Variants in PDXDC1 observed in about 807,000 individuals in gnomAD.
PDXDC1 encodes the protein pyridoxal dependent decarboxylase domain containing 1, also known as pyridoxal-dependent decarboxylase domain-containing protein 1.
In PDXDC1, 42 loss-of-function variants were observed where a neutral mutation model predicts 100.1. The ratio of observed to expected loss-of-function variants is 0.42; its 90% CI spans 0.33 to 0.54. The LOEUF is 0.54. Among genes scored for constraint, PDXDC1 ranks in the 20% least tolerant of loss-of-function variants. The pLI is 0.10. For missense variants in PDXDC1, 636 were observed against 979.2 expected (o/e 0.65, Z 4.68); for synonymous variants, 260 against 371.7 (o/e 0.70, Z 3.46).
At chr16:14,977,225 A>G (rs951683443) in intron 1 of PDXDC1, among the ~76,000 whole-genome samples, 6 of 151,376 alleles carry the variant, frequency 4.0e-5, no homozygotes, top group African/African-American at 1.2e-4. Context: ...CCTTAGGTCA[A>G]TGTGAAAATT....
chr16:15,048,628 C>T (rs1387742095), intron 16 of PDXDC1, among the ~76,000 whole-genome samples: 1 of 152,044 alleles, frequency 6.6e-6, no homozygotes, highest in African/African-American at 2.4e-5. Context: ...CACATCCCCT[C>T]TTTTTTATTT....
chr16:15,144,059 G>A (rs2048515911), downstream of PDXDC1, among the ~76,000 whole-genome samples: 2 of 152,192 alleles, frequency 1.3e-5, no homozygotes, highest in African/African-American at 4.8e-5. Context: ...GCCAGACCCA[G>A]GGAGGCCCCA....
intron 16 of PDXDC1, among the ~76,000 whole-genome samples, chr16:15,091,033 G>A (rs1336634390): frequency 1.3e-5 from 2 of 152,254 alleles, no homozygotes; most frequent in East Asian, 3.9e-4. Flanking sequence ...CTTGGTTCTG[G>A]GAGGCTGTCC....
chr16:14,977,460 A>G (rs922746653), intron 1 of PDXDC1, among the ~76,000 whole-genome samples: 1 of 152,198 alleles, frequency 6.6e-6, no homozygotes, highest in Non-Finnish European at 1.5e-5. Context: ...TTGTATTCCC[A>G]GTAGAGATGG....
rs573715671 is a variant in PDXDC1 at position 14,975,672 on chromosome 16, C to A, written c.21+452C>A. 2.9e-4 allele frequency: 287 copies of A among 985,328 alleles called. 6 individuals carry two copies. In the South Asian group the frequency reaches 0.012, roughly 41 times the overall value. The allele number at this position is 985,328 out of a possible 1,614,324, so 61.0% of individuals were successfully genotyped here. Reference sequence around the variant, plus strand: ...GTCTCCGAGTTAGGAATGAAAATTGCCAAAGCAGTGGTTTTCCAACTTCAG... The same window carrying A: ...GTCTCCGAGTTAGGAATGAAAATTGACAAAGCAGTGGTTTTCCAACTTCAG... On this transcript the variant is annotated intron_variant, in intron 1 of 22. Coordinates refer to ENST00000396410, the MANE Select transcript of PDXDC1 (RefSeq NM_015027.4).
chr16:15,066,629 T>A (rs1597883829), intron 16 of PDXDC1, among the ~76,000 whole-genome samples: 1 of 141,088 alleles, frequency 7.1e-6, no homozygotes, highest in South Asian at 2.2e-4. Flanking sequence ...CAAGACCTTG[T>A]CTCAAATAAA....
chr16:15,130,313 C>T (rs1486925630), intron 16 of PDXDC1: 25 of 1,543,442 alleles, frequency 1.6e-5, no homozygotes, highest in Non-Finnish European at 1.9e-5. Flanking sequence ...CCAGGGGCAG[C>T]AGCCCCTCTG....
intron 16 of PDXDC1, chr16:15,060,295 C>A: frequency 3.9e-6 from 1 of 254,040 alleles, no homozygotes; most frequent in Non-Finnish European, 8.1e-6. Context: ...CCTTAAAGTT[C>A]TCAAATTACT....
At chr16:15,072,192 A>C (rs1485825213) in intron 16 of PDXDC1, among the ~76,000 whole-genome samples, 5 of 151,734 alleles carry the variant, frequency 3.3e-5, no homozygotes, top group African/African-American at 9.7e-5. Flanking sequence ...GATCTCTAGG[A>C]AGCCACAAAA....
chr16:15,094,389 G>A (rs1395621095), intron 16 of PDXDC1: 20 of 662,794 alleles, frequency 3.0e-5, no homozygotes, highest in Non-Finnish European at 4.5e-5. Flanking sequence ...CTAGAGCGCC[G>A]CTGAAACCCG....
At chr16:15,096,562 G>A (rs543496769) in intron 16 of PDXDC1, among the ~76,000 whole-genome samples, 3 of 152,192 alleles carry the variant, frequency 2.0e-5, no homozygotes, top group Non-Finnish European at 4.4e-5. Flanking sequence ...TAATTGCACC[G>A]TAGCTCACAA....
At chr16:15,122,843 G>T (rs1290916588) in intron 16 of PDXDC1, among the ~76,000 whole-genome samples, 1 of 103,102 alleles carries the variant, frequency 9.7e-6, no homozygotes, top group African/African-American at 3.6e-5. Flanking sequence ...AAGGGGAGGG[G>T]AAGGGGAGGG....
intron 16 of PDXDC1, among the ~76,000 whole-genome samples, chr16:15,058,939 T>C (rs917606336): frequency 5.9e-5 from 9 of 152,244 alleles, no homozygotes; most frequent in African/African-American, 2.2e-4. Context: ...GGCCCCAAAT[T>C]ATTAGATACA....
the PDXDC1 span, among the ~76,000 whole-genome samples, chr16:15,146,709 C>G: frequency 1.3e-5 from 2 of 152,164 alleles, no homozygotes; most frequent in African/African-American, 4.8e-5. Flanking sequence ...GGCTCTCACC[C>G]TCAGGCTGTT....
chr16:15,026,464 T>A (rs2042610242), intron 13 of PDXDC1, 179 bp from the exon 14 acceptor site: 1 of 611,778 alleles, frequency 1.6e-6, no homozygotes, highest in African/African-American at 1.8e-5. Flanking sequence ...TCATAGTTAT[T>A]TTTTAAAATT....
At chr16:15,007,528 A>G (rs1187294567) in intron 6 of PDXDC1, among the ~76,000 whole-genome samples, 2 of 152,270 alleles carry the variant, frequency 1.3e-5, no homozygotes, top group Non-Finnish European at 2.9e-5. Flanking sequence ...GGAGGACTAC[A>G]TCGAGATAAG....
intron 16 of PDXDC1, among the ~76,000 whole-genome samples, chr16:15,076,116 C>A (rs969026844): frequency 6.6e-6 from 1 of 152,192 alleles, no homozygotes; most frequent in Non-Finnish European, 1.5e-5. Context: ...CTGCCCTCTT[C>A]TGCTCCCTGA....
intron 1 of PDXDC1, chr16:14,989,980 C>T (rs1970367042): frequency 1.4e-6 from 2 of 1,459,312 alleles, no homozygotes; most frequent in South Asian, 1.3e-5. Flanking sequence ...GCAGACGGCT[C>T]GGTGGCGCCC....
chr16:15,038,465 T>C, downstream of PDXDC1: 1 of 680,146 alleles, frequency 1.5e-6, no homozygotes, highest in Non-Finnish European at 2.5e-6. Flanking sequence ...AAAAAGTTAC[T>C]ACCCGCCAAA....
Sources: allele counts gnomAD v4.1 joint callset (sites outside exome capture counted in the v4.1 genomes callset), GRCh38; gene constraint gnomAD v4.1.1; transcripts MANE v1.5; gene names NCBI Gene and HGNC (gene_info 2026-07-23, HGNC 2026-07-21).